CBFA2T2: variants seen among roughly 807,000 people sequenced by gnomAD.
CBFA2T2 encodes the protein CBFA2/RUNX1 partner transcriptional co-repressor 2, also known as protein CBFA2T2.
CBFA2T2 carries 11 observed loss-of-function variants against 62.2 expected under a neutral mutation model. The observed-to-expected ratio is 0.18, with a 90% CI of 0.11 to 0.29. The LOEUF is 0.29. Ranked by LOEUF, CBFA2T2 falls within the 10% of genes least tolerant of loss-of-function variation. The pLI is 1.00. For synonymous variants in CBFA2T2, 295 were observed against 287.5 expected (o/e 1.03, Z -0.27); for missense variants, 592 against 774.1 (o/e 0.76, Z 2.79).
At chr20:33,551,734 A>C in intron 1 of CBFA2T2, among the ~76,000 whole-genome samples, 1 of 148,332 alleles carries the variant, frequency 6.7e-6, no homozygotes, top group Admixed American at 6.7e-5. Context: ...GTTTCACCAT[A>C]TTGGCCAGGC....
Position 33,550,014 on chromosome 20 carries a change from A to G in CBFA2T2, c.35-56942A>G, listed in dbSNP as rs192042668. 4.1e-4 allele frequency among the ~76,000 whole-genome samples: 62 copies of G among 152,298 alleles called. No homozygotes were observed. In the East Asian group the frequency reaches 4.8e-3, roughly 12 times the overall value. On this transcript the variant is annotated intron_variant, in intron 1 of 10. Transcript: ENST00000342704. The stretch of plus-strand genomic sequence containing the variant: ...TTTTAAGTTTATAAAATAGGGTTCA[A>G]TAAATACCTGTCTTATAGAATTTGG...
chr20:33,598,399 A>G (rs1028020670), intron 1 of CBFA2T2, among the ~76,000 whole-genome samples: 2 of 152,082 alleles, frequency 1.3e-5, no homozygotes, highest in African/African-American at 4.8e-5. Context: ...TTTCCCAGGG[A>G]TGTTCCATGC....
intron 1 of CBFA2T2, among the ~76,000 whole-genome samples, chr20:33,589,849 G>T (rs1204273896): frequency 6.6e-6 from 1 of 152,030 alleles, no homozygotes. Flanking sequence ...TTTTAAAAAA[G>T]AAACAGGTGA....
chr20:33,565,256 T>C (rs2013260236), intron 1 of CBFA2T2, among the ~76,000 whole-genome samples: 1 of 152,168 alleles, frequency 6.6e-6, no homozygotes, highest in Admixed American at 6.5e-5. Flanking sequence ...TAAAATGATT[T>C]TGTAAAAATT....
chr20:33,616,687 A>G (rs1318385926), intron 3 of CBFA2T2, among the ~76,000 whole-genome samples: 1 of 151,854 alleles, frequency 6.6e-6, no homozygotes, highest in Non-Finnish European at 1.5e-5. Context: ...AGATCACACC[A>G]CTGCACTCCA....
At position 33,514,048 on chromosome 20, in the gene CBFA2T2, C is replaced by T. The variant is rs1387107174; in HGVS notation, c.34+23747C>T. 8.1e-5 allele frequency among the ~76,000 whole-genome samples: 12 copies of T among 148,350 alleles called. No individual in the cohort carries two copies. In the South Asian group the frequency reaches 1.9e-3, roughly 24 times the overall value. ...CCCAAGTAGCTGGGATTGCAGGCAC[C>T]GGCCACCATGCCTGGCTACTTTTTT... On this transcript the variant is annotated intron_variant, in intron 1 of 10. Coordinates refer to ENST00000342704, the MANE Select transcript of CBFA2T2 (RefSeq NM_001032999.3).
intron 1 of CBFA2T2, among the ~76,000 whole-genome samples, chr20:33,549,878 T>C (rs2012688217): frequency 6.6e-6 from 1 of 151,474 alleles, no homozygotes; most frequent in East Asian, 1.9e-4. Context: ...TTTTTTTTTT[T>C]TTTCTCTAAA....
intron 1 of CBFA2T2, among the ~76,000 whole-genome samples, chr20:33,493,092 T>G (rs1455362534): frequency 6.8e-6 from 1 of 146,742 alleles, no homozygotes; most frequent in Non-Finnish European, 1.5e-5. Flanking sequence ...TTTTTTTTTT[T>G]GAGACGGAGT....
intron 1 of CBFA2T2, among the ~76,000 whole-genome samples, chr20:33,558,295 C>G (rs191813937): frequency 1.6e-4 from 25 of 152,112 alleles, no homozygotes; most frequent in Non-Finnish European, 3.2e-4. Context: ...TCTTGCCCAG[C>G]TAATTTTTGT....
At chr20:33,553,576 C>T (rs1480440995) in intron 1 of CBFA2T2, among the ~76,000 whole-genome samples, 2 of 152,136 alleles carry the variant, frequency 1.3e-5, no homozygotes, top group African/African-American at 4.8e-5. Context: ...CCGTTTTTGG[C>T]TTTGTGGGCC....
chr20:33,592,374 T>TTA (rs11473567), intron 1 of CBFA2T2, among the ~76,000 whole-genome samples: 36,918 of 142,628 alleles, frequency 0.26, 5,020 homozygotes, highest in East Asian at 0.34. Flanking sequence ...AAAAAAAATT[T>TTA]TATATATATA....
intron 1 of CBFA2T2, among the ~76,000 whole-genome samples, chr20:33,503,897 A>G (rs1011455600): frequency 2.6e-5 from 4 of 151,056 alleles, no homozygotes; most frequent in East Asian, 3.9e-4. Context: ...GCTCTTTTTC[A>G]TGGCATAGTT....
intron 1 of CBFA2T2, among the ~76,000 whole-genome samples, chr20:33,506,729 A>G (rs976299625): frequency 1.3e-5 from 2 of 152,216 alleles, no homozygotes; most frequent in Non-Finnish European, 2.9e-5. Flanking sequence ...TTCTGGTTCA[A>G]TCAATGGAGG....
At chr20:33,619,374 T>C in intron 3 of CBFA2T2, 143 bp from the exon 4 acceptor site, 1 of 467,756 alleles carries the variant, frequency 2.1e-6, no homozygotes, top group Non-Finnish European at 3.6e-6. Flanking sequence ...GCCACTGCGC[T>C]CTGGCCTGGG....
chr20:33,532,046 A>G (rs1014170777), intron 1 of CBFA2T2, among the ~76,000 whole-genome samples: 1 of 152,168 alleles, frequency 6.6e-6, no homozygotes, highest in African/African-American at 2.4e-5. Context: ...CTCAGCCCCA[A>G]TAAGCTGCAG....
intron 1 of CBFA2T2, among the ~76,000 whole-genome samples, chr20:33,551,285 C>T (rs1387486536): frequency 5.3e-5 from 8 of 150,724 alleles, no homozygotes; most frequent in African/African-American, 1.5e-4. Context: ...GGCGTAATCT[C>T]GGCTCACTGC....
intron 1 of CBFA2T2, among the ~76,000 whole-genome samples, chr20:33,544,011 G>A (rs1232924740): frequency 6.6e-6 from 1 of 151,946 alleles, no homozygotes; most frequent in East Asian, 1.9e-4. Context: ...TGGATTATTG[G>A]AGTTGCTTCC....
At chr20:33,490,349 T>C in intron 1 of CBFA2T2, 48 bp downstream of exon 1, 1 of 1,260,748 alleles carries the variant, frequency 7.9e-7, no homozygotes, top group South Asian at 3.5e-5. Context: ...TGTGAGGGCC[T>C]GCGGCTCCGC....
intron 1 of CBFA2T2, among the ~76,000 whole-genome samples, chr20:33,537,773 C>A (rs1211398576): frequency 6.6e-6 from 1 of 152,062 alleles, no homozygotes; most frequent in Admixed American, 6.5e-5. Flanking sequence ...ACCGGATTGT[C>A]CTTGTACCTT....
Sources: gnomAD v4.1 joint callset for allele counts (sites outside exome capture counted in the v4.1 genomes callset) on GRCh38, gnomAD v4.1.1 for gene constraint, MANE v1.5 for transcripts, NCBI Gene and HGNC (gene_info 2026-07-23, HGNC 2026-07-21) for gene names.